Variants in CACNA2D1 observed in about 807,000 individuals in gnomAD.
CACNA2D1 encodes calcium voltage-gated channel auxiliary subunit alpha2delta 1, also known as voltage-dependent calcium channel subunit alpha-2/delta-1.
CACNA2D1 carries 53 observed loss-of-function variants against 171.5 expected under a neutral mutation model. That is an observed-to-expected ratio of 0.31 (90% CI 0.25 to 0.39). The LOEUF is 0.39. Among genes scored for constraint, CACNA2D1 ranks in the 10% least tolerant of loss-of-function variants. CACNA2D1 has a pLI of 1.00. For synonymous variants in CACNA2D1, 442 were observed against 443.1 expected, an observed-to-expected ratio of 1.00 and a Z score of 0.03; for missense variants, 903 against 1,299.8, an observed-to-expected ratio of 0.69 and a Z score of 4.69.
At chr7:82,315,779 G>T (rs1328353800) in intron 3 of CACNA2D1, among the ~76,000 whole-genome samples, 1 of 152,084 alleles carries the variant, frequency 6.6e-6, no homozygotes, top group African/African-American at 2.4e-5. Context: ...AAACAGTATT[G>T]TATTTCACCA....
intron 3 of CACNA2D1, among the ~76,000 whole-genome samples, chr7:82,290,581 A>T (rs1426880056): frequency 1.7e-5 from 1 of 60,404 alleles, no homozygotes; most frequent in South Asian, 4.3e-4. Flanking sequence ...TCGTATATTA[A>T]AAAAAAAAAA....
At chr7:82,174,115 C>T (rs947582308) in intron 3 of CACNA2D1, among the ~76,000 whole-genome samples, 42 of 147,486 alleles carry the variant, frequency 2.8e-4, no homozygotes, top group African/African-American at 7.8e-4. Flanking sequence ...AACAGAACAT[C>T]CCTGTTTCCA....
chr7:82,213,966 G>GATC (rs1200420550), intron 3 of CACNA2D1, among the ~76,000 whole-genome samples: 4 of 152,186 alleles, frequency 2.6e-5, no homozygotes, highest in Non-Finnish European at 5.9e-5. Flanking sequence ...TGCACCAGGA[G>GATC]ATTCAGTGTC....
At chr7:82,215,734 C>T (rs2129235424) in intron 3 of CACNA2D1, among the ~76,000 whole-genome samples, 1 of 151,962 alleles carries the variant, frequency 6.6e-6, no homozygotes, top group Admixed American at 6.5e-5. Context: ...TTTCATATTT[C>T]TTATTGACCG....
At chr7:82,270,050 C>T (rs1386876998) in intron 3 of CACNA2D1, among the ~76,000 whole-genome samples, 2 of 152,180 alleles carry the variant, frequency 1.3e-5, no homozygotes, top group Non-Finnish European at 2.9e-5. Context: ...AGTTCTGCAT[C>T]ATTGTTCTGC....
intron 34 of CACNA2D1, among the ~76,000 whole-genome samples, chr7:81,962,904 C>T (rs1420002891): frequency 6.6e-6 from 1 of 151,972 alleles, no homozygotes; most frequent in Non-Finnish European, 1.5e-5. Flanking sequence ...CTGTTTATAC[C>T]ATGGGTTTGA....
At chr7:82,123,749 AAAAAT>A (rs2129060379) in intron 5 of CACNA2D1, among the ~76,000 whole-genome samples, 1 of 152,282 alleles carries the variant, frequency 6.6e-6, no homozygotes, top group African/African-American at 2.4e-5. Flanking sequence ...GTTTTGCCTG[AAAAAT>A]AAAATAATAT....
At chr7:82,044,847 A>G (rs1443392388) in intron 10 of CACNA2D1, among the ~76,000 whole-genome samples, 4 of 152,196 alleles carry the variant, frequency 2.6e-5, no homozygotes, top group African/African-American at 9.6e-5. Flanking sequence ...ATAAGAGATT[A>G]TATGAAAATG....
At chr7:82,156,686 A>C (rs1254892320) in intron 4 of CACNA2D1, among the ~76,000 whole-genome samples, 1 of 121,018 alleles carries the variant, frequency 8.3e-6, no homozygotes, top group East Asian at 2.2e-4. Context: ...AAGTATAATC[A>C]AGATATTAAA....
chr7:82,310,940 C>G (rs1814380035), intron 3 of CACNA2D1, among the ~76,000 whole-genome samples: 1 of 152,082 alleles, frequency 6.6e-6, no homozygotes, highest in Non-Finnish European at 1.5e-5. Flanking sequence ...TGGGATGTTA[C>G]AGAGGACCCC....
chr7:82,432,553 C>A (rs1829777939), intron 1 of CACNA2D1, among the ~76,000 whole-genome samples: 1 of 152,204 alleles, frequency 6.6e-6, no homozygotes, highest in African/African-American at 2.4e-5. Flanking sequence ...GTTGCCCAGG[C>A]AAGATTTGAA....
intron 6 of CACNA2D1, among the ~76,000 whole-genome samples, chr7:82,103,800 T>A (rs1363908480): frequency 6.6e-6 from 1 of 152,110 alleles, no homozygotes; most frequent in Non-Finnish European, 1.5e-5. Context: ...CCAACCCGAA[T>A]ATGTATAGTT....
chr7:81,995,799 A>AAAAAAT (rs1491419032), intron 19 of CACNA2D1, among the ~76,000 whole-genome samples: 1 of 39,796 alleles, frequency 2.5e-5, no homozygotes. Flanking sequence ...ACTCCACCTC[A>AAAAAAT]AAAAAAAAAA....
chr7:82,040,275 A>G (rs1051812791), intron 10 of CACNA2D1, among the ~76,000 whole-genome samples: 1 of 152,114 alleles, frequency 6.6e-6, no homozygotes, highest in Non-Finnish European at 1.5e-5. Flanking sequence ...GGCATCTGGA[A>G]GGATAGAGGA....
At chr7:82,323,722 C>T (rs979346831) in intron 3 of CACNA2D1, among the ~76,000 whole-genome samples, 8 of 152,136 alleles carry the variant, frequency 5.3e-5, no homozygotes, top group African/African-American at 1.9e-4. Flanking sequence ...AAAGTAATTA[C>T]AAACCCAACA....
At chr7:82,436,043 C>T (rs574726357) in intron 1 of CACNA2D1, among the ~76,000 whole-genome samples, 1 of 152,280 alleles carries the variant, frequency 6.6e-6, no homozygotes, top group East Asian at 1.9e-4. Flanking sequence ...GTTCCATAGT[C>T]AGCTTGGAGT....
intron 1 of CACNA2D1, among the ~76,000 whole-genome samples, chr7:82,426,258 T>G (rs1829178115): frequency 6.6e-6 from 1 of 152,166 alleles, no homozygotes; most frequent in Non-Finnish European, 1.5e-5. Flanking sequence ...CTGTATAATC[T>G]GATTCACATC....
chr7:82,328,596 T>G (rs577942566), intron 3 of CACNA2D1, among the ~76,000 whole-genome samples: 1 of 152,316 alleles, frequency 6.6e-6, no homozygotes, highest in East Asian at 1.9e-4. Flanking sequence ...CTCTGTCTGC[T>G]TTTTCTGGAA....
intron 3 of CACNA2D1, among the ~76,000 whole-genome samples, chr7:82,200,061 C>T (rs1799253523): frequency 6.6e-6 from 1 of 151,978 alleles, no homozygotes; most frequent in Non-Finnish European, 1.5e-5. Flanking sequence ...TAGCATTTTC[C>T]TGGGTTGGAG....
Sources: allele counts gnomAD v4.1 joint callset (sites outside exome capture counted in the v4.1 genomes callset), GRCh38; gene constraint gnomAD v4.1.1; transcripts MANE v1.5; gene names NCBI Gene and HGNC (gene_info 2026-07-23, HGNC 2026-07-21).